ROR1: variants seen among roughly 807,000 people sequenced by gnomAD.
The protein encoded by ROR1 is inactive tyrosine-protein kinase transmembrane receptor ROR1.
A neutral mutation model predicts 78.8 loss-of-function variants in ROR1; 19 were observed. That is an observed-to-expected ratio of 0.24 (90% CI 0.17 to 0.35). The LOEUF is 0.35. Among genes scored for constraint, ROR1 ranks in the 10% least tolerant of loss-of-function variants. The probability of loss-of-function intolerance (pLI) is 1.00; values close to 1 mark genes in which losing one functional copy is unlikely to be tolerated. For synonymous variants in ROR1, 386 were observed against 433.6 expected (o/e 0.89, Z 1.36); for missense variants, 917 against 1,177.8 (o/e 0.78, Z 3.24).
At chr1:63,859,115 T>G (rs1645165180) in intron 1 of ROR1, among the ~76,000 whole-genome samples, 1 of 152,208 alleles carries the variant, frequency 6.6e-6, no homozygotes, top group South Asian at 2.1e-4. Context: ...GGTGTGTTTC[T>G]GTCCTCACTT....
intron 1 of ROR1, among the ~76,000 whole-genome samples, chr1:63,923,595 C>G (rs980189451): frequency 4.0e-5 from 6 of 151,644 alleles, no homozygotes; most frequent in African/African-American, 1.5e-4. Flanking sequence ...TAGCTACCAC[C>G]TTAGTCTAAA....
In ROR1 at chr1:64,004,675, T is replaced by C. The variant is rs1406032009; in HGVS notation, c.92-4630T>C. On this transcript the variant is annotated intron_variant, in intron 1 of 8. Transcript: ENST00000371079. The stretch of plus-strand genomic sequence containing the variant: ...TGGAAGGGCCTCCACATCCTGTGAA[T>C]GTTGGGTCTTTACCTGCCAACTGCT... Among the ~76,000 whole-genome samples the C allele has an allele frequency of 2.0e-5, 3 of 152,368 alleles. No individual in the cohort carries two copies. In the East Asian group the frequency reaches 5.8e-4, roughly 29 times the overall value.
intron 2 of ROR1, 64 bp downstream of exon 2, chr1:64,009,440 A>G (rs949377811): frequency 1.3e-5 from 16 of 1,256,752 alleles, no homozygotes; most frequent in Non-Finnish European, 1.9e-5. Context: ...TAATCCTGGC[A>G]TGACCTTCTT....
At chr1:64,001,344 G>A (rs989169002) in intron 1 of ROR1, among the ~76,000 whole-genome samples, 1 of 152,248 alleles carries the variant, frequency 6.6e-6, no homozygotes, top group Admixed American at 6.5e-5. Flanking sequence ...GAATGGTTGG[G>A]AGGAGGGAGA....
chr1:64,173,685 T>C (rs1650302421), intron 8 of ROR1, among the ~76,000 whole-genome samples: 1 of 152,234 alleles, frequency 6.6e-6, no homozygotes, highest in South Asian at 2.1e-4. Context: ...AAGGCAAGTA[T>C]ATGAGAACAA....
At chr1:63,987,850 A>G (rs1449581885) in intron 1 of ROR1, among the ~76,000 whole-genome samples, 2 of 152,194 alleles carry the variant, frequency 1.3e-5, no homozygotes, top group Non-Finnish European at 2.9e-5. Flanking sequence ...ACATTAGTCA[A>G]CGTCAATGGA....
At chr1:63,928,851 G>T (rs1407389950) in intron 1 of ROR1, among the ~76,000 whole-genome samples, 1 of 152,180 alleles carries the variant, frequency 6.6e-6, no homozygotes, top group Non-Finnish European at 1.5e-5. Flanking sequence ...ACCCTCTAGA[G>T]AGGCCAAGAT....
At chr1:64,022,687 A>C (rs1234936442) in intron 2 of ROR1, among the ~76,000 whole-genome samples, 1 of 152,218 alleles carries the variant, frequency 6.6e-6, no homozygotes, top group East Asian at 1.9e-4. Context: ...AGTCATTCCC[A>C]GATCCTAATA....
chr1:64,051,465 AATAAAAT>A (rs1646830197), intron 4 of ROR1, among the ~76,000 whole-genome samples: 2 of 26,320 alleles, frequency 7.6e-5, no homozygotes, highest in Non-Finnish European at 1.9e-4. Flanking sequence ...TAAAAAATAA[AATAAAAT>A]AAAATAAAAT....
chr1:64,155,902 A>G (rs1649756364), intron 7 of ROR1, among the ~76,000 whole-genome samples: 1 of 152,204 alleles, frequency 6.6e-6, no homozygotes, highest in African/African-American at 2.4e-5. Flanking sequence ...ACTGTATGGC[A>G]ATTTTCAATT....
intron 2 of ROR1, among the ~76,000 whole-genome samples, chr1:64,036,137 G>C (rs1646700279): frequency 6.6e-6 from 1 of 152,258 alleles, no homozygotes; most frequent in East Asian, 1.9e-4. Context: ...GAAGACTATA[G>C]ACAGGTAAAA....
intron 1 of ROR1, among the ~76,000 whole-genome samples, chr1:63,878,278 T>C (rs1189369397): frequency 1.3e-5 from 2 of 152,168 alleles, no homozygotes; most frequent in African/African-American, 2.4e-5. Context: ...TTTCCAAATA[T>C]CCCTGAGTAT....
chr1:63,840,275 C>T (rs1201059742), intron 1 of ROR1, among the ~76,000 whole-genome samples: 5 of 143,196 alleles, frequency 3.5e-5, no homozygotes, highest in African/African-American at 1.1e-4. Flanking sequence ...CTCTGCTTGT[C>T]GTTTAGTTTT....
intron 4 of ROR1, among the ~76,000 whole-genome samples, chr1:64,097,608 T>C (rs1170223764): frequency 6.6e-6 from 1 of 151,790 alleles, no homozygotes; most frequent in Non-Finnish European, 1.5e-5. Flanking sequence ...AGACAATGCT[T>C]TCTTTACCTA....
At chr1:63,901,853 A>G (rs150772615) in intron 1 of ROR1, among the ~76,000 whole-genome samples, 1 of 152,230 alleles carries the variant, frequency 6.6e-6, no homozygotes, top group East Asian at 1.9e-4. Context: ...GACCTCAAGA[A>G]GCTAGCAAGC....
chr1:63,865,415 T>A (rs1169369604), intron 1 of ROR1, among the ~76,000 whole-genome samples: 1 of 152,240 alleles, frequency 6.6e-6, no homozygotes, highest in African/African-American at 2.4e-5. Flanking sequence ...CTCATCCTTA[T>A]ATACTGCAAC....
intron 1 of ROR1, among the ~76,000 whole-genome samples, chr1:63,912,777 T>C (rs1042945179): frequency 6.6e-6 from 1 of 152,306 alleles, no homozygotes; most frequent in Non-Finnish European, 1.5e-5. Context: ...CTTGTGCTTC[T>C]CTTCTCCCTG....
chr1:63,805,649 G>A (rs747795713), intron 1 of ROR1, among the ~76,000 whole-genome samples: 15 of 152,176 alleles, frequency 9.9e-5, no homozygotes, highest in South Asian at 2.1e-4. Context: ...ATGTTTTGTC[G>A]TGATAAGAAT....
At chr1:64,146,577 T>C (rs1649479598) in intron 7 of ROR1, among the ~76,000 whole-genome samples, 1 of 152,174 alleles carries the variant, frequency 6.6e-6, no homozygotes, top group Non-Finnish European at 1.5e-5. Flanking sequence ...TTCCAACCAA[T>C]GCCTATCAGA....
Sources: allele counts gnomAD v4.1 joint callset (sites outside exome capture counted in the v4.1 genomes callset), GRCh38; gene constraint gnomAD v4.1.1; transcripts MANE v1.5; gene names NCBI Gene and HGNC (gene_info 2026-07-23, HGNC 2026-07-21).